The following PTPRD variants were observed in gnomAD, a reference collection of about 807,000 sequenced individuals.
PTPRD encodes protein tyrosine phosphatase receptor type D, also known as receptor-type tyrosine-protein phosphatase delta.
PTPRD carries 34 observed loss-of-function variants against 214.5 expected under a neutral mutation model. The ratio of observed to expected loss-of-function variants is 0.16; its 90% CI spans 0.12 to 0.21. The LOEUF (loss-of-function observed/expected upper bound fraction) is 0.21. PTPRD is among the 10% of genes least tolerant of loss of function. The pLI is 1.00. For synonymous variants in PTPRD, 1,128 were observed against 845.7 expected, an observed-to-expected ratio of 1.33 and a Z score of -5.79; for missense variants, 2,545 against 2,398.7, an observed-to-expected ratio of 1.06 and a Z score of -1.27.
chr9:8,684,615 C>T (rs1381216955), intron 12 of PTPRD, among the ~76,000 whole-genome samples: 1 of 152,042 alleles, frequency 6.6e-6, no homozygotes, highest in Non-Finnish European at 1.5e-5. Context: ...CATTTACAGA[C>T]TAATACACAA....
At chr9:9,935,477 T>C (rs964234832) in intron 5 of PTPRD, among the ~76,000 whole-genome samples, 26 of 152,054 alleles carry the variant, frequency 1.7e-4, no homozygotes, top group Admixed American at 1.7e-3. Flanking sequence ...CCATTCACAA[T>C]TGCTTCAAAG....
At chr9:9,181,189 G>A (rs970851957) in intron 10 of PTPRD, among the ~76,000 whole-genome samples, 38 of 151,532 alleles carry the variant, frequency 2.5e-4, no homozygotes, top group African/African-American at 8.9e-4. Context: ...ACATACTAAG[G>A]GCTCAACAAA....
chr9:8,329,744 T>C (rs1837835463), intron 44 of PTPRD, among the ~76,000 whole-genome samples: 2 of 152,134 alleles, frequency 1.3e-5, no homozygotes, highest in Non-Finnish European at 2.9e-5. Flanking sequence ...AGAGAAGCAG[T>C]TGGCCTTGCT....
intron 43 of PTPRD, among the ~76,000 whole-genome samples, chr9:8,336,040 A>C (rs1381853977): frequency 1.3e-5 from 2 of 151,864 alleles, no homozygotes; most frequent in Non-Finnish European, 2.9e-5. Context: ...TGCCCAAGGT[A>C]ATTTATAGAT....
At chr9:9,743,731 T>C (rs978384751) in intron 6 of PTPRD, among the ~76,000 whole-genome samples, 13 of 80,466 alleles carry the variant, frequency 1.6e-4, no homozygotes, top group East Asian at 9.2e-4. Flanking sequence ...ACTCAGTCTA[T>C]ACACACACAC....
At chr9:10,447,088 C>A (rs962945923) in intron 2 of PTPRD, among the ~76,000 whole-genome samples, 2 of 152,138 alleles carry the variant, frequency 1.3e-5, no homozygotes, top group African/African-American at 4.8e-5. Context: ...CTTTTGCCAA[C>A]TTTCATCCCA....
intron 3 of PTPRD, among the ~76,000 whole-genome samples, chr9:10,086,624 G>A (rs1371819656): frequency 6.6e-6 from 1 of 151,704 alleles, no homozygotes; most frequent in African/African-American, 2.4e-5. Flanking sequence ...GAGGATTAAG[G>A]TTAAGTTCAA....
chr9:8,719,147 C>A (rs1388730764), intron 12 of PTPRD, among the ~76,000 whole-genome samples: 2 of 152,110 alleles, frequency 1.3e-5, no homozygotes, highest in African/African-American at 4.8e-5. Context: ...ATGTTCATAG[C>A]TCCAAATGTC....
intron 9 of PTPRD, among the ~76,000 whole-genome samples, chr9:9,330,086 A>C (rs2041740531): frequency 6.6e-6 from 1 of 152,110 alleles, no homozygotes; most frequent in Non-Finnish European, 1.5e-5. Context: ...CCCTTTAGCC[A>C]TGGTGTCATG....
intron 2 of PTPRD, among the ~76,000 whole-genome samples, chr9:10,592,428 G>C (rs749638312): frequency 1.3e-5 from 2 of 151,994 alleles, no homozygotes; most frequent in African/African-American, 4.8e-5. Context: ...AAATTGTTTC[G>C]TGATGGGGAG....
chr9:8,763,242 T>A (rs1316901932), intron 11 of PTPRD, among the ~76,000 whole-genome samples: 1 of 152,224 alleles, frequency 6.6e-6, no homozygotes, highest in Non-Finnish European at 1.5e-5. Flanking sequence ...CCAGGGATAG[T>A]GGCTCATGCC....
intron 11 of PTPRD, among the ~76,000 whole-genome samples, chr9:8,964,625 G>C (rs1263543333): frequency 6.6e-6 from 1 of 151,444 alleles, no homozygotes. Flanking sequence ...TGTTTTTCTG[G>C]TTCTTCCAGA....
At chr9:9,448,408 G>A (rs188885245) in intron 8 of PTPRD, among the ~76,000 whole-genome samples, 15 of 152,092 alleles carry the variant, frequency 9.9e-5, no homozygotes, top group Admixed American at 9.2e-4. Context: ...CATGAGATCT[G>A]ATGGTTTCCT....
intron 4 of PTPRD, among the ~76,000 whole-genome samples, chr9:10,000,915 C>A (rs1246016702): frequency 6.6e-6 from 1 of 152,060 alleles, no homozygotes; most frequent in Non-Finnish European, 1.5e-5. Flanking sequence ...TTTTTCTGGG[C>A]TATGTGAAAT....
At chr9:8,423,534 T>A (rs2094488027) in intron 35 of PTPRD, among the ~76,000 whole-genome samples, 1 of 152,228 alleles carries the variant, frequency 6.6e-6, no homozygotes, top group African/African-American at 2.4e-5. Flanking sequence ...TGAATATTAC[T>A]ATGTATCATA....
intron 10 of PTPRD, among the ~76,000 whole-genome samples, chr9:9,061,253 G>T (rs890256754): frequency 1.3e-5 from 2 of 152,116 alleles, no homozygotes; most frequent in African/African-American, 4.8e-5. Flanking sequence ...CAACACAAAA[G>T]AAAACAGACA....
intron 3 of PTPRD, among the ~76,000 whole-genome samples, chr9:10,160,625 C>T (rs571435027): frequency 1.3e-5 from 2 of 151,980 alleles, no homozygotes; most frequent in East Asian, 3.9e-4. Context: ...AACCATTATA[C>T]TAAATAGGAA....
At chr9:9,316,388 A>T (rs1963125157) in intron 9 of PTPRD, among the ~76,000 whole-genome samples, 1 of 152,126 alleles carries the variant, frequency 6.6e-6, no homozygotes, top group South Asian at 2.1e-4. Flanking sequence ...CTATTAGAAA[A>T]ATCATTTATA....
At chr9:9,642,539 C>T (rs1489522646) in intron 7 of PTPRD, among the ~76,000 whole-genome samples, 2 of 151,988 alleles carry the variant, frequency 1.3e-5, no homozygotes, top group Non-Finnish European at 2.9e-5. Flanking sequence ...TGATAATTTC[C>T]AGGCCTTCTC....
Sources: gnomAD v4.1 joint callset for allele counts (sites outside exome capture counted in the v4.1 genomes callset) on GRCh38, gnomAD v4.1.1 for gene constraint, MANE v1.5 for transcripts, NCBI Gene and HGNC (gene_info 2026-07-23, HGNC 2026-07-21) for gene names.